Variants in LSAMP observed in about 807,000 individuals in gnomAD.
The protein encoded by LSAMP is limbic system-associated membrane protein.
In LSAMP, 7 loss-of-function variants were observed where a neutral mutation model predicts 38.6. That is an observed-to-expected ratio of 0.18 (90% CI 0.10 to 0.34). The LOEUF is 0.34. Ranked by LOEUF, LSAMP falls within the 10% of genes least tolerant of loss-of-function variation. The probability of loss-of-function intolerance (pLI) is 1.00; values close to 1 mark genes in which losing one functional copy is unlikely to be tolerated. For missense variants in LSAMP, 313 were observed against 420.0 expected, an observed-to-expected ratio of 0.75 and a Z score of 2.23; for synonymous variants, 154 against 166.8, an observed-to-expected ratio of 0.92 and a Z score of 0.59.
chr3:115,847,657 T>A (rs1935203184), intron 4 of LSAMP, among the ~76,000 whole-genome samples: 1 of 152,152 alleles, frequency 6.6e-6, no homozygotes, highest in Admixed American at 6.5e-5. Context: ...ATCTGATGGT[T>A]TTATAAGAGT....
At chr3:115,978,708 A>C (rs1369981481) in intron 3 of LSAMP, among the ~76,000 whole-genome samples, 2 of 152,048 alleles carry the variant, frequency 1.3e-5, no homozygotes, top group African/African-American at 4.8e-5. Flanking sequence ...AAAAAAAGTT[A>C]AGGAGTTGGC....
intron 6 of LSAMP, chr3:115,837,969 AT>A (rs1318099195): frequency 6.6e-6 from 1 of 152,226 alleles, no homozygotes; most frequent in Non-Finnish European, 1.5e-5. Flanking sequence ...TGCTATGCTG[AT>A]TGGGTGTCTG....
chr3:115,848,095 A>G (rs1236518074), intron 4 of LSAMP, among the ~76,000 whole-genome samples: 4 of 152,222 alleles, frequency 2.6e-5, no homozygotes, highest in African/African-American at 9.6e-5. Flanking sequence ...GCAAGAATAA[A>G]CTAAAGATGA....
intron 3 of LSAMP, among the ~76,000 whole-genome samples, chr3:115,898,675 C>G (rs1177471054): frequency 1.3e-5 from 2 of 151,548 alleles, no homozygotes; most frequent in Non-Finnish European, 2.9e-5. Context: ...TAGATTGAGA[C>G]TCACCTAGTA....
At chr3:116,021,632 T>G (rs1233961997) in intron 2 of LSAMP, among the ~76,000 whole-genome samples, 1 of 152,134 alleles carries the variant, frequency 6.6e-6, no homozygotes, top group Non-Finnish European at 1.5e-5. Context: ...TGTAGTTACA[T>G]GTGAATTGCA....
At chr3:116,416,123 T>G (rs1300087313) in intron 1 of LSAMP, among the ~76,000 whole-genome samples, 1 of 152,292 alleles carries the variant, frequency 6.6e-6, no homozygotes, top group East Asian at 1.9e-4. Flanking sequence ...TGAGGTAGTA[T>G]GGGAAATGGT....
At chr3:116,015,287 T>C (rs1940444368) in intron 3 of LSAMP, among the ~76,000 whole-genome samples, 1 of 152,150 alleles carries the variant, frequency 6.6e-6, no homozygotes, top group South Asian at 2.1e-4. Context: ...ACTCTTTCTG[T>C]GACCCTGAGC....
intron 1 of LSAMP, among the ~76,000 whole-genome samples, chr3:116,122,319 G>A: frequency 6.6e-6 from 1 of 152,072 alleles, no homozygotes. Context: ...GTTGATGATG[G>A]TAATTACCAA....
At chr3:116,240,653 AT>A (rs2046520596) in intron 1 of LSAMP, among the ~76,000 whole-genome samples, 1 of 152,156 alleles carries the variant, frequency 6.6e-6, no homozygotes, top group Non-Finnish European at 1.5e-5. Context: ...TGCATCAAGA[AT>A]TTTTTAACCT....
intron 3 of LSAMP, among the ~76,000 whole-genome samples, chr3:115,982,861 T>C (rs1012466931): frequency 6.6e-6 from 1 of 152,050 alleles, no homozygotes; most frequent in Non-Finnish European, 1.5e-5. Context: ...GTCTTTGCTT[T>C]TCTCAGCCTC....
chr3:116,214,264 A>T (rs1429767545), intron 1 of LSAMP, among the ~76,000 whole-genome samples: 5 of 152,198 alleles, frequency 3.3e-5, no homozygotes, highest in Non-Finnish European at 7.3e-5. Context: ...GCTTATCATT[A>T]TTTCAGCTAA....
chr3:116,320,243 T>C (rs1334488761), intron 1 of LSAMP, among the ~76,000 whole-genome samples: 1 of 151,946 alleles, frequency 6.6e-6, no homozygotes, highest in Admixed American at 6.6e-5. Flanking sequence ...TGAAACCTCG[T>C]CTCTCCTAAA....
chr3:116,442,457 T>G (rs1021371278), intron 1 of LSAMP, among the ~76,000 whole-genome samples: 1 of 151,988 alleles, frequency 6.6e-6, no homozygotes, highest in Non-Finnish European at 1.5e-5. Context: ...ACAAATAAAG[T>G]GAAAACACAC....
intron 1 of LSAMP, among the ~76,000 whole-genome samples, chr3:116,196,684 C>T (rs1286910893): frequency 6.6e-6 from 1 of 152,098 alleles, no homozygotes; most frequent in Non-Finnish European, 1.5e-5. Context: ...TCCTAGAGAC[C>T]TGCCTTATCA....
At chr3:116,329,971 T>C (rs2047826641) in intron 1 of LSAMP, among the ~76,000 whole-genome samples, 2 of 152,208 alleles carry the variant, frequency 1.3e-5, no homozygotes, top group South Asian at 2.1e-4. Flanking sequence ...AGTTACCAAA[T>C]AATTACTACT....
chr3:116,433,623 T>G (rs2049309939), intron 1 of LSAMP, among the ~76,000 whole-genome samples: 1 of 152,206 alleles, frequency 6.6e-6, no homozygotes, highest in South Asian at 2.1e-4. Context: ...CAAATAAATG[T>G]AAGTGATATG....
At chr3:116,291,752 A>G (rs2047270451) in intron 1 of LSAMP, among the ~76,000 whole-genome samples, 1 of 152,146 alleles carries the variant, frequency 6.6e-6, no homozygotes, top group Admixed American at 6.6e-5. Context: ...GATTGACTCT[A>G]AGGTACTTGA....
chr3:116,366,962 G>A (rs747081663), intron 1 of LSAMP, among the ~76,000 whole-genome samples: 2 of 152,130 alleles, frequency 1.3e-5, no homozygotes, highest in Non-Finnish European at 2.9e-5. Flanking sequence ...TATGTGATTT[G>A]CCAGACTTTA....
At chr3:116,246,387 A>G (rs957676328) in intron 1 of LSAMP, among the ~76,000 whole-genome samples, 2 of 152,210 alleles carry the variant, frequency 1.3e-5, no homozygotes, top group Non-Finnish European at 1.5e-5. Flanking sequence ...ACAAAATTTC[A>G]GGAGTGCAAC....
Sources: gnomAD v4.1 joint callset for allele counts (sites outside exome capture counted in the v4.1 genomes callset) on GRCh38, gnomAD v4.1.1 for gene constraint, MANE v1.5 for transcripts, NCBI Gene and HGNC (gene_info 2026-07-23, HGNC 2026-07-21) for gene names.